Variants in ABCB5 observed in about 807,000 individuals in gnomAD.
ABCB5 encodes ATP-binding cassette sub-family B member 5.
In ABCB5, 155 loss-of-function variants were observed where a neutral mutation model predicts 144.2. The ratio of observed to expected loss-of-function variants is 1.08; its 90% CI spans 0.94 to 1.23. The LOEUF is 1.23. Among genes scored for constraint, ABCB5 ranks in the 50% most tolerant of loss-of-function variants. The pLI is 0.00. For missense variants in ABCB5, 1,830 were observed against 1,520.8 expected (o/e 1.20, Z -3.38); for synonymous variants, 610 against 528.6 (o/e 1.15, Z -2.11).
intron 5 of ABCB5, among the ~76,000 whole-genome samples, chr7:20,638,113 T>C (rs963270395): frequency 6.6e-6 from 1 of 151,856 alleles, no homozygotes; most frequent in African/African-American, 2.4e-5. Context: ...AAGGAATAGT[T>C]TTTTAAAAAG....
intron 26 of ABCB5, among the ~76,000 whole-genome samples, chr7:20,752,085 G>C (rs144815662): frequency 6.6e-6 from 1 of 152,196 alleles, no homozygotes; most frequent in Admixed American, 6.5e-5. Flanking sequence ...TGGAGAGAAA[G>C]GCAATTCCCT....
chr7:20,684,510 T>C (rs1370873066), intron 15 of ABCB5, among the ~76,000 whole-genome samples: 1 of 152,110 alleles, frequency 6.6e-6, no homozygotes, highest in East Asian at 1.9e-4. Flanking sequence ...TCCCAGCTAC[T>C]TGGAAGGCTG....
In ABCB5 at chr7:20,694,035, C is replaced by CA. The variant is rs528092977; in HGVS notation, c.2011-4365dup. Among the ~76,000 whole-genome samples, 13 of 130,230 alleles carry CA rather than the reference C, an allele frequency of 1.0e-4. No individual in the cohort carries two copies. In the East Asian group the frequency reaches 3.0e-3, roughly 30 times the overall value. 85.4% of individuals were successfully genotyped at this position (130,230 alleles called of 152,430 possible). A position where few individuals can be genotyped will look rare whatever the true frequency, so the allele number is the denominator to read the frequency against. On this transcript the variant is annotated intron_variant, in intron 16 of 27. Transcript: ENST00000404938. ...ATTCTTTTTTCCCTAAAAAAAAAAACAAAAAAACAAAAAAACTTTAAGCCA... is the reference window on the plus strand; with the variant it reads ...ATTCTTTTTTCCCTAAAAAAAAAAACAAAAAAAACAAAAAAACTTTAAGCCA...
At chr7:20,688,203 C>A (rs930993461) in intron 16 of ABCB5, among the ~76,000 whole-genome samples, 1 of 151,022 alleles carries the variant, frequency 6.6e-6, no homozygotes, top group Admixed American at 6.6e-5. Context: ...AAAAAACAAA[C>A]CAAAAAACAA....
intron 10 of ABCB5, 29 bp from the exon 11 acceptor site, chr7:20,647,939 A>C: frequency 7.1e-7 from 1 of 1,400,924 alleles, no homozygotes. Context: ...TCCTTTGAAG[A>C]TTTATAACAT....
intron 15 of ABCB5, among the ~76,000 whole-genome samples, chr7:20,682,136 C>T (rs926386038): frequency 1.3e-5 from 2 of 152,138 alleles, no homozygotes; most frequent in South Asian, 2.1e-4. Context: ...ACTAGGGAGT[C>T]GGAGGTTGCA....
intron 1 of ABCB5, 22 bp from the exon 2 acceptor site, chr7:20,623,243 A>T (rs906278830): frequency 7.4e-7 from 1 of 1,349,796 alleles, no homozygotes; most frequent in Non-Finnish European, 1.0e-6. Context: ...GCCATAATAC[A>T]TTTGTTAAAA....
intron 1 of ABCB5, among the ~76,000 whole-genome samples, chr7:20,616,056 G>A (rs1394352271): frequency 6.6e-6 from 1 of 152,124 alleles, no homozygotes; most frequent in African/African-American, 2.4e-5. Flanking sequence ...CTTTCCCTGT[G>A]ACAGGGTCTC....
At chr7:20,714,438 C>T (rs895902357) in intron 20 of ABCB5, among the ~76,000 whole-genome samples, 1 of 151,828 alleles carries the variant, frequency 6.6e-6, no homozygotes, top group Non-Finnish European at 1.5e-5. Flanking sequence ...AAATTCTTTC[C>T]AGAGGTACAC....
intron 26 of ABCB5, among the ~76,000 whole-genome samples, chr7:20,747,736 G>T (rs1782773526): frequency 6.6e-6 from 1 of 152,032 alleles, no homozygotes; most frequent in Non-Finnish European, 1.5e-5. Flanking sequence ...ATTTTTCAGT[G>T]TTTTAAATTT....
intron 23 of ABCB5, among the ~76,000 whole-genome samples, chr7:20,728,771 T>A (rs1782120485): frequency 6.6e-6 from 1 of 152,106 alleles, no homozygotes; most frequent in Non-Finnish European, 1.5e-5. Flanking sequence ...ATAAATTAAT[T>A]AATAAGTTGT....
intron 20 of ABCB5, among the ~76,000 whole-genome samples, chr7:20,707,797 A>ATTTATT (rs1211525231): frequency 2.0e-5 from 2 of 99,096 alleles, no homozygotes; most frequent in Non-Finnish European, 4.2e-5. Flanking sequence ...TGGTAACCTC[A>ATTTATT]TTTCTTTTTT....
chr7:20,706,461 A>G (rs998091694), intron 20 of ABCB5, among the ~76,000 whole-genome samples: 1 of 152,234 alleles, frequency 6.6e-6, no homozygotes, highest in East Asian at 1.9e-4. Context: ...CTGTCCTTAC[A>G]TTTATTAATT....
At chr7:20,670,482 G>C (rs139013290) in intron 14 of ABCB5, among the ~76,000 whole-genome samples, 102 of 152,240 alleles carry the variant, frequency 6.7e-4, no homozygotes, top group Non-Finnish European at 1.1e-3. Flanking sequence ...GGAAGGCAGT[G>C]AGTGGGAACT....
intron 14 of ABCB5, chr7:20,666,938 T>C (rs1785216976): frequency 9.3e-6 from 11 of 1,186,658 alleles, no homozygotes; most frequent in Non-Finnish European, 1.2e-5. Flanking sequence ...TGCCAAAATC[T>C]CTTCTGTGTT....
At chr7:20,645,937 T>C in intron 8 of ABCB5, 24 bp from the exon 9 acceptor site, 1 of 1,612,646 alleles carries the variant, frequency 6.2e-7, no homozygotes, top group Non-Finnish European at 8.5e-7. Context: ...CAGTGGCTAC[T>C]AAGTTGTGTT....
Position 20,698,504 on chromosome 7 carries a change from G to A in ABCB5, c.2108G>A (p.Gly703Glu). ...VLGTLASVLN[G>E]TVHPVFSIIF... ...GGGACATTGGCTTCTGTTCTAAATG[G>A]AACTGTTCATCCAGTATTTTCCATC... The change falls in exon 17 of 28, where the codon GGA becomes GAA. Residue 703 changes from glycine (G) to glutamate (E), a missense_variant. Coordinates refer to ENST00000404938, the MANE Select transcript of ABCB5 (RefSeq NM_001163941.2). The A allele has an allele frequency of 6.2e-7, 1 of 1,602,694 alleles. No individual in the cohort carries two copies. The highest frequency in any genetic ancestry group is 8.5e-7 in the Non-Finnish European group (1 of 1,176,324).
intron 24 of ABCB5, among the ~76,000 whole-genome samples, 157 bp downstream of exon 24, chr7:20,739,296 C>T (rs1782489035): frequency 6.6e-6 from 1 of 152,128 alleles, no homozygotes; most frequent in Non-Finnish European, 1.5e-5. Context: ...ATACCCCAAA[C>T]ATCAGCATTA....
intron 19 of ABCB5, 46 bp from the exon 20 acceptor site, chr7:20,704,675 TAAA>T (rs550551533): frequency 4.0e-6 from 6 of 1,492,006 alleles, no homozygotes; most frequent in Non-Finnish European, 5.6e-6. Flanking sequence ...ACAAGTCAGA[TAAA>T]AAAAATGATT....
Sources: allele counts gnomAD v4.1 joint callset (sites outside exome capture counted in the v4.1 genomes callset), GRCh38; gene constraint gnomAD v4.1.1; transcripts MANE v1.5; gene names NCBI Gene and HGNC (gene_info 2026-07-23, HGNC 2026-07-21).